BAZ1A: variants seen among roughly 807,000 people sequenced by gnomAD.
BAZ1A encodes the protein bromodomain adjacent to zinc finger domain protein 1A.
BAZ1A carries 50 observed loss-of-function variants against 185.2 expected under a neutral mutation model. The ratio of observed to expected loss-of-function variants is 0.27; its 90% confidence interval spans 0.22 to 0.34. The LOEUF is 0.34. BAZ1A is among the 10% of genes least tolerant of loss of function. The pLI is 1.00. For synonymous variants in BAZ1A, 571 were observed against 615.6 expected, an observed-to-expected ratio of 0.93 and a Z score of 1.07; for missense variants, 1,356 against 1,839.9, an observed-to-expected ratio of 0.74 and a Z score of 4.81.
Position 34,852,495 on chromosome 14 carries a change from C to T in BAZ1A, c.392+9549G>A, listed in dbSNP as rs556202225. Among the ~76,000 whole-genome samples, 10 of 151,518 alleles carry T rather than the reference C, an allele frequency of 6.6e-5. No homozygotes were observed. In the South Asian group the frequency reaches 2.1e-3, roughly 32 times the overall value. On this transcript the variant is annotated intron_variant, in intron 3 of 26. Coordinates refer to ENST00000360310, the MANE Select transcript of BAZ1A (RefSeq NM_013448.3). ...AGCTGGGCATGGTGGCACGCACGCC[C>T]GTATTCCCAGCTACTTGGGAGGCTG...
At chr14:34,794,960 T>G in intron 10 of BAZ1A, 73 bp from the exon 11 acceptor site, 1 of 1,551,886 alleles carries the variant, frequency 6.4e-7, no homozygotes, top group Non-Finnish European at 8.7e-7. Flanking sequence ...GATGACATAC[T>G]TTTTACCTAA....
Position 34,760,194 on chromosome 14 carries a change from A to G in BAZ1A, c.4244-1348T>C, listed in dbSNP as rs1043452255. 2.0e-5 allele frequency among the ~76,000 whole-genome samples: 3 copies of G among 152,186 alleles called. No individual in the cohort carries two copies. The South Asian group carries it at 6.2e-4, about 32-fold the overall frequency. On this transcript the variant is annotated intron_variant, in intron 24 of 26. Coordinates refer to ENST00000360310, the MANE Select transcript of BAZ1A (RefSeq NM_013448.3). ...TAGTACCAGGCTTAGCAATTTCACA[A>G]ATCAATGAAAACAAAAAGTTTTTCT...
At chr14:34,766,917 T>C (rs1485469418) in intron 21 of BAZ1A, among the ~76,000 whole-genome samples, 2 of 151,950 alleles carry the variant, frequency 1.3e-5, no homozygotes, top group African/African-American at 4.8e-5. Flanking sequence ...GAATATAAAA[T>C]AACTTTAATA....
At chr14:34,840,484 C>T (rs935624012) in intron 3 of BAZ1A, among the ~76,000 whole-genome samples, 3 of 152,060 alleles carry the variant, frequency 2.0e-5, no homozygotes, top group South Asian at 2.1e-4. Context: ...TTAGGCTGGG[C>T]GAGATGGCTC....
chr14:34,844,637 C>T (rs1409683942), intron 3 of BAZ1A, among the ~76,000 whole-genome samples: 8 of 151,628 alleles, frequency 5.3e-5, no homozygotes, highest in Admixed American at 5.3e-4. Flanking sequence ...TAAAAATTAG[C>T]CAGGTGTGGT....
At chr14:34,785,216 C>T (rs983874027) in intron 14 of BAZ1A, among the ~76,000 whole-genome samples, 1 of 152,012 alleles carries the variant, frequency 6.6e-6, no homozygotes, top group Non-Finnish European at 1.5e-5. Flanking sequence ...ATTATAATCA[C>T]ATGAATTAAA....
Position 34,792,940 on chromosome 14 carries a change from A to C in BAZ1A, c.1364-19T>G. 6.3e-7 allele frequency: 1 copy of C among 1,593,318 alleles called. No homozygotes were observed. The highest frequency in any genetic ancestry group is 2.2e-5 in the East Asian group (1 of 44,660). On this transcript the variant is annotated intron_variant, in intron 11 of 26. Transcript: ENST00000360310. ...AATACTTCTGTGAATAAAATGTTTA[A>C]AATGAATTTAAAGTTCTGTTCATGT...
chr14:34,824,857 G>A (rs932192828), intron 4 of BAZ1A, among the ~76,000 whole-genome samples: 1 of 152,110 alleles, frequency 6.6e-6, no homozygotes. Context: ...CAAGACAGGC[G>A]GGAGAAAGCA....
intron 3 of BAZ1A, among the ~76,000 whole-genome samples, chr14:34,849,371 T>C (rs2042563708): frequency 6.6e-6 from 1 of 152,236 alleles, no homozygotes; most frequent in South Asian, 2.1e-4. Flanking sequence ...GTGAAAAAGC[T>C]GCTTGCTAAT....
At position 34,762,104 on chromosome 14, in the gene BAZ1A, T is replaced by C. The variant is rs1251106853; in HGVS notation, c.3896A>G (p.Gln1299Arg). The C allele has an allele frequency of 6.2e-7, 1 of 1,614,240 alleles. No homozygotes were observed. Among genetic ancestry groups the C allele is most frequent in the East Asian group, 2.2e-5 (1 of 44,888 alleles). Residue 1299 changes from glutamine (Q) to arginine (R), a missense_variant, in exon 24 of 27, where the codon CAG becomes CGG. This residue lies in a region of BAZ1A where 309 missense variants were observed against 355.3 expected (regional missense o/e 0.87). Transcript: ENST00000360310. ...AACAGTTGTTTTGGGTGTGCTCTGCTGACTCCTTGAAGGGTATCTTCCAGG... is the reference window on the plus strand; with the variant it reads ...AACAGTTGTTTTGGGTGTGCTCTGCCGACTCCTTGAAGGGTATCTTCCAGG... ...QEPGRYPSRS[Q>R]QSTPKTTVSS...
intron 12 of BAZ1A, among the ~76,000 whole-genome samples, chr14:34,790,332 G>A (rs1272845008): frequency 6.6e-6 from 1 of 151,784 alleles, no homozygotes; most frequent in African/African-American, 2.4e-5. Context: ...ACTACACCTG[G>A]CTAATTTTGA....
chr14:34,851,901 G>A (rs187999274), intron 3 of BAZ1A, among the ~76,000 whole-genome samples: 2,866 of 151,700 alleles, frequency 0.019, 37 homozygotes, highest in South Asian at 0.039. Flanking sequence ...GCTGAGGCGG[G>A]CGGATCACGA....
rs181116072 is a variant in BAZ1A, at chr14:34,860,431, C to G, written c.392+1613G>C. On this transcript the variant is annotated intron_variant, in intron 3 of 26. Transcript: ENST00000360310. ...GCTGAGGTGGGAGGATGGCTTAAGC[C>G]TGGGAGGTAGAGGTTGTAGTGAGCT... Among the ~76,000 whole-genome samples the G allele has an allele frequency of 2.8e-3, 412 of 147,234 alleles. 2 individuals are homozygous for G. The highest frequency in any genetic ancestry group is 5.0e-3 in the Non-Finnish European group (334 of 67,264).
intron 4 of BAZ1A, among the ~76,000 whole-genome samples, chr14:34,818,540 C>A (rs2042038816): frequency 6.6e-6 from 1 of 152,100 alleles, no homozygotes; most frequent in Admixed American, 6.6e-5. Flanking sequence ...AGTGTTCACT[C>A]TCAGTGTTAC....
At chr14:34,771,714 C>G (rs925762624) in intron 20 of BAZ1A, 55 bp from the exon 21 acceptor site, 1 of 1,535,726 alleles carries the variant, frequency 6.5e-7, no homozygotes, top group Non-Finnish European at 8.9e-7. Context: ...TTAGGTAAAA[C>G]TTGAGTCCAT....
rs551320053 is a variant in BAZ1A, at chr14:34,782,191, T to C, written c.2111+928A>G. On this transcript the variant is annotated intron_variant, in intron 16 of 26. Transcript: ENST00000360310. ...GCATCATTTACATTCCCACAAGCAATGTATGAGAGTCCTGATTTCTCAACT... is the reference window on the plus strand; with the variant it reads ...GCATCATTTACATTCCCACAAGCAACGTATGAGAGTCCTGATTTCTCAACT... 7.9e-5 allele frequency among the ~76,000 whole-genome samples: 12 copies of C among 152,366 alleles called. No individual in the cohort carries two copies. In the South Asian group the frequency reaches 2.5e-3, roughly 32 times the overall value.
In BAZ1A at chr14:34,758,816, C is replaced by T; in HGVS notation, c.4274G>A (p.Ser1425Asn). The T allele has an allele frequency of 3.1e-6, 5 of 1,614,154 alleles. No homozygotes were observed. The highest frequency in any genetic ancestry group is 4.2e-6 in the Non-Finnish European group (5 of 1,180,018). ...ATGAACTCCTCCCTGTCGGCCAGAA[C>T]TCCTTCGACCCAGTGTCACAGGCGA... is the stretch of plus-strand genomic sequence containing the variant. ...EPSPVTLGRRSSGRQGGVHEL... is the reference protein window; with the variant it reads ...EPSPVTLGRRNSGRQGGVHEL... Residue 1425 changes from serine (S) to asparagine (N), a missense_variant, in exon 25 of 27, where the codon AGT becomes AAT. Ser to Asn is a conservative substitution (Grantham distance 46). This residue lies in a region of BAZ1A where 309 missense variants were observed against 355.3 expected (regional missense o/e 0.87). Coordinates refer to ENST00000360310, the MANE Select transcript of BAZ1A (RefSeq NM_013448.3).
At chr14:34,821,461 G>A (rs2042088110) in intron 4 of BAZ1A, among the ~76,000 whole-genome samples, 1 of 152,108 alleles carries the variant, frequency 6.6e-6, no homozygotes. Flanking sequence ...ATTATGTTTT[G>A]ATGGCAGGGA....
chr14:34,775,895 A>C, intron 18 of BAZ1A, 24 bp downstream of exon 18: 1 of 1,547,504 alleles, frequency 6.5e-7, no homozygotes, highest in African/African-American at 1.4e-5. Context: ...AAAAAAGTAA[A>C]AACAATTTTC....
Sources: allele counts gnomAD v4.1 joint callset (sites outside exome capture counted in the v4.1 genomes callset), GRCh38; gene constraint gnomAD v4.1.1; regional missense constraint gnomAD v4.1.1; transcripts MANE v1.5; gene names NCBI Gene and HGNC (gene_info 2026-07-23, HGNC 2026-07-21).